GLDC: variants seen among roughly 807,000 people sequenced by gnomAD.
The protein encoded by GLDC is glycine decarboxylase.
Under a neutral mutation model 121.3 loss-of-function variants are expected in GLDC, and 104 were observed. The observed-to-expected ratio is 0.86, with a 90% CI of 0.73 to 1.01. The LOEUF is 1.01. Ranked by LOEUF, GLDC falls within the 50% of genes least tolerant of loss-of-function variation. The pLI is 0.00. For missense variants in GLDC, 1,429 were observed against 1,306.6 expected (o/e 1.09, Z -1.44); for synonymous variants, 546 against 480.6 (o/e 1.14, Z -1.78).
chr9:6,560,237 G>C (rs531643390), intron 16 of GLDC, among the ~76,000 whole-genome samples: 6 of 152,172 alleles, frequency 3.9e-5, no homozygotes, highest in Non-Finnish European at 7.3e-5. Flanking sequence ...ATCCCACAGA[G>C]AGATGGATGG....
intron 2 of GLDC, among the ~76,000 whole-genome samples, chr9:6,636,422 T>C (rs1485978370): frequency 6.6e-6 from 1 of 152,012 alleles, no homozygotes; most frequent in Non-Finnish European, 1.5e-5. Context: ...AGGCAGTGGG[T>C]TTAATGGGAA....
At chr9:6,593,391 C>G (rs1221212313) in intron 9 of GLDC, among the ~76,000 whole-genome samples, 3 of 151,628 alleles carry the variant, frequency 2.0e-5, no homozygotes, top group African/African-American at 4.8e-5. Flanking sequence ...CTCCTGGGCT[C>G]AAGCTCATGC....
At chr9:6,558,535 A>C (rs752170208) in intron 17 of GLDC, 24 bp downstream of exon 17, 1 of 1,613,676 alleles carries the variant, frequency 6.2e-7, no homozygotes, top group African/African-American at 1.3e-5. Context: ...GGCCTCTCCC[A>C]TCTGCTAAGG....
At position 6,645,273 on chromosome 9, in the gene GLDC, C is replaced by G. The variant is rs143358660; in HGVS notation, c.227G>C (p.Arg76Thr). The G allele has an allele frequency of 3.1e-6, 5 of 1,603,648 alleles. No individual in the cohort carries two copies. In the African/African-American group the frequency reaches 5.4e-5, roughly 17 times the overall value. ...CAGCCCCAAGGTCTGCAGCATCTCTCTCTGGTCTTTGTCCCCAGGGCCGAT... is the reference window on the plus strand; with the variant it reads ...CAGCCCCAAGGTCTGCAGCATCTCTGTCTGGTCTTTGTCCCCAGGGCCGAT... ...RHIGPGDKDQ[R>T]EMLQTLGLAS... is the part of the protein sequence containing the mutation. Residue 76 changes from arginine (R) to threonine (T), a missense_variant, in exon 1 of 25, where the codon AGA (arginine) becomes ACA (threonine). Coordinates refer to ENST00000321612, the MANE Select transcript of GLDC (RefSeq NM_000170.3).
At chr9:6,619,316 C>T (rs1277270779) in intron 3 of GLDC, among the ~76,000 whole-genome samples, 2 of 152,008 alleles carry the variant, frequency 1.3e-5, no homozygotes, top group African/African-American at 4.8e-5. Context: ...CTAGAAAGTG[C>T]TAGCAATAAA....
chr9:6,595,933 A>G (rs981069176), intron 8 of GLDC, among the ~76,000 whole-genome samples: 1 of 152,208 alleles, frequency 6.6e-6, no homozygotes, highest in Non-Finnish European at 1.5e-5. Context: ...GCAAAATAAG[A>G]AACAGTTTCC....
chr9:6,608,819 G>A (rs7036856), intron 4 of GLDC, among the ~76,000 whole-genome samples: 2,674 of 152,104 alleles, frequency 0.018, 71 homozygotes, highest in African/African-American at 0.061. Flanking sequence ...TAAAAAAAGA[G>A]GGAAGATGAA....
intron 2 of GLDC, 88 bp from the exon 3 acceptor site, chr9:6,620,407 AT>A: frequency 8.9e-7 from 1 of 1,125,624 alleles, no homozygotes; most frequent in Non-Finnish European, 1.4e-6. Context: ...TTGTTTGAGT[AT>A]TTATGACAGA....
At position 6,611,765 on chromosome 9, in the gene GLDC, G is replaced by A. The variant is rs150815243; in HGVS notation, c.471-1409C>T. 1.3e-3 allele frequency among the ~76,000 whole-genome samples: 199 copies of A among 152,188 alleles called. No homozygotes were observed. The East Asian group carries it at 0.014, about 10-fold the overall frequency. The stretch of plus-strand genomic sequence containing the variant: ...TCTCTGTCTTCCTGTCGTATATCTT[G>A]TGCCTGTCTTTATGGATATACTAAG... On this transcript the variant is annotated intron_variant, in intron 3 of 24. Transcript: ENST00000321612.
intron 15 of GLDC, among the ~76,000 whole-genome samples, chr9:6,578,976 A>T (rs1433292701): frequency 6.6e-6 from 1 of 152,110 alleles, no homozygotes; most frequent in African/African-American, 2.4e-5. Context: ...GCCTCTGTTA[A>T]TCTGTTTTCA....
At chr9:6,610,426 T>G (rs1358408024) in intron 3 of GLDC, 70 bp from the exon 4 acceptor site, 1 of 1,467,660 alleles carries the variant, frequency 6.8e-7, no homozygotes, top group Non-Finnish European at 9.5e-7. Flanking sequence ...TGCTATCATT[T>G]CAGAATTCAG....
chr9:6,600,356 C>A (rs998362807), intron 8 of GLDC, among the ~76,000 whole-genome samples: 12 of 146,636 alleles, frequency 8.2e-5, no homozygotes, highest in Non-Finnish European at 6.0e-5. Flanking sequence ...GAATGGACAA[C>A]AGAGCAAGAA....
intron 3 of GLDC, among the ~76,000 whole-genome samples, chr9:6,613,804 T>C (rs1313025926): frequency 6.6e-6 from 1 of 152,036 alleles, no homozygotes; most frequent in Non-Finnish European, 1.5e-5. Flanking sequence ...TTAGATAGAG[T>C]CTTGCTCTGT....
chr9:6,584,704 C>T (rs1818233824), intron 15 of GLDC, among the ~76,000 whole-genome samples: 1 of 152,174 alleles, frequency 6.6e-6, no homozygotes, highest in South Asian at 2.1e-4. Context: ...CTGCTCATGA[C>T]CAGAAACATC....
chr9:6,581,001 G>C (rs1818160658), intron 15 of GLDC, among the ~76,000 whole-genome samples: 1 of 152,198 alleles, frequency 6.6e-6, no homozygotes, highest in Non-Finnish European at 1.5e-5. Context: ...GACATAAAAT[G>C]ACCGTATATG....
chr9:6,547,315 G>C (rs540141950), intron 21 of GLDC, among the ~76,000 whole-genome samples: 3 of 152,330 alleles, frequency 2.0e-5, no homozygotes, highest in African/African-American at 7.2e-5. Context: ...AGACAGAACA[G>C]ATGGGGGAAC....
chr9:6,553,971 C>T (rs1817566292), intron 19 of GLDC, among the ~76,000 whole-genome samples: 1 of 151,830 alleles, frequency 6.6e-6, no homozygotes, highest in Non-Finnish European at 1.5e-5. Context: ...AAATGAATCT[C>T]ACTTTAACCG....
intron 4 of GLDC, among the ~76,000 whole-genome samples, chr9:6,609,961 C>T (rs968933224): frequency 6.6e-6 from 1 of 152,118 alleles, no homozygotes; most frequent in Non-Finnish European, 1.5e-5. Context: ...TCAGCCCTCC[C>T]GTCTGATCTT....
In GLDC at chr9:6,573,336, C is replaced by T. The variant is rs1321443221; in HGVS notation, c.1851-7907G>A. ...ATTAGCCAGGTGTGGTGGCACACACCTGTAATCCCAGCTACTTGGGAAGCT... is the reference window on the plus strand; with the variant it reads ...ATTAGCCAGGTGTGGTGGCACACACTTGTAATCCCAGCTACTTGGGAAGCT... On this transcript the variant is annotated intron_variant, in intron 15 of 24. Coordinates refer to ENST00000321612, the MANE Select transcript of GLDC (RefSeq NM_000170.3). Among the ~76,000 whole-genome samples, 4 of 152,238 alleles carry T rather than the reference C, an allele frequency of 2.6e-5. No homozygotes were observed. The East Asian group carries it at 7.7e-4, about 29-fold the overall frequency.
Sources: gnomAD v4.1 joint callset for allele counts (sites outside exome capture counted in the v4.1 genomes callset) on GRCh38, gnomAD v4.1.1 for gene constraint, MANE v1.5 for transcripts, NCBI Gene and HGNC (gene_info 2026-07-23, HGNC 2026-07-21) for gene names.